SCFD2: variants seen among roughly 807,000 people sequenced by gnomAD.
The protein encoded by SCFD2 is sec1 family domain containing 2.
In SCFD2, 54 loss-of-function variants were observed where a neutral mutation model predicts 58.9. That is an observed-to-expected ratio of 0.92 (90% confidence interval 0.74 to 1.15). The LOEUF (loss-of-function observed/expected upper bound fraction) is 1.15, where lower values mean the gene tolerates loss of function less well. Ranked by LOEUF, SCFD2 falls within the 50% of genes most tolerant of loss-of-function variation. The pLI is 0.00. For synonymous variants in SCFD2, 321 were observed against 335.9 expected (o/e 0.96, Z 0.49); for missense variants, 805 against 836.6 (o/e 0.96, Z 0.47).
Position 52,885,601 on chromosome 4 carries a change from G to A in SCFD2, c.1962+146C>T, listed in dbSNP as rs114828846. The A allele has an allele frequency of 8.8e-4, 758 of 860,320 alleles. 2 individuals carry two copies. The African/African-American group carries it at 0.01, about 11-fold the overall frequency. The allele number at this position is 860,320 out of a possible 1,614,324, so 53.3% of individuals were successfully genotyped here. ...TGCAGGAAGACATTGTGAAACAGGC[G>A]GTAGCAGGAGGGAGGGAACAAAGCC... On this transcript the variant is annotated intron_variant, in intron 8 of 8. Transcript: ENST00000401642.
chr4:53,118,356 A>T (rs1197104419), intron 5 of SCFD2, among the ~76,000 whole-genome samples: 1 of 152,208 alleles, frequency 6.6e-6, no homozygotes, highest in Non-Finnish European at 1.5e-5. Context: ...CATAAGTCAT[A>T]TTGGTGACTG....
chr4:53,242,951 C>A (rs1729946243), intron 4 of SCFD2, among the ~76,000 whole-genome samples: 1 of 152,094 alleles, frequency 6.6e-6, no homozygotes, highest in African/African-American at 2.4e-5. Flanking sequence ...AATGAAAAAA[C>A]ATAAATAAAA....
At chr4:53,232,447 C>T (rs565890616) in intron 4 of SCFD2, among the ~76,000 whole-genome samples, 20 of 151,818 alleles carry the variant, frequency 1.3e-4, no homozygotes, top group African/African-American at 4.1e-4. Context: ...AATCAGGAGA[C>T]AAAAAAACAA....
chr4:53,249,286 C>T (rs980090096), intron 4 of SCFD2, among the ~76,000 whole-genome samples: 3 of 152,090 alleles, frequency 2.0e-5, no homozygotes, highest in Non-Finnish European at 1.5e-5. Flanking sequence ...AACAAAGCCT[C>T]CAAGAAATAT....
chr4:53,095,643 T>G (rs1349942445), intron 5 of SCFD2, among the ~76,000 whole-genome samples: 1 of 152,118 alleles, frequency 6.6e-6, no homozygotes, highest in Non-Finnish European at 1.5e-5. Flanking sequence ...AGCTCTACAT[T>G]TCATTCAGGG....
chr4:53,349,628 C>G (rs572728112), intron 2 of SCFD2, among the ~76,000 whole-genome samples: 2 of 152,172 alleles, frequency 1.3e-5, no homozygotes, highest in Non-Finnish European at 2.9e-5. Flanking sequence ...AATGAGATTC[C>G]AAGATTGGCT....
At chr4:53,131,490 C>A (rs1725784892) in intron 5 of SCFD2, among the ~76,000 whole-genome samples, 1 of 152,014 alleles carries the variant, frequency 6.6e-6, no homozygotes, top group Admixed American at 6.6e-5. Flanking sequence ...TGGTGTGACC[C>A]TGAAAAAGAC....
intron 4 of SCFD2, among the ~76,000 whole-genome samples, chr4:53,262,335 T>G (rs1730853734): frequency 6.6e-6 from 1 of 152,176 alleles, no homozygotes; most frequent in African/African-American, 2.4e-5. Context: ...ATCGTGTTAT[T>G]GTTATATAGG....
chr4:53,179,274 G>A (rs1175956185), intron 4 of SCFD2, among the ~76,000 whole-genome samples: 1 of 152,130 alleles, frequency 6.6e-6, no homozygotes, highest in East Asian at 1.9e-4. Context: ...CCCACAAAGG[G>A]AAGCCCATCA....
At chr4:52,876,717 T>G (rs1263795044) in intron 8 of SCFD2, among the ~76,000 whole-genome samples, 1 of 131,048 alleles carries the variant, frequency 7.6e-6, no homozygotes, top group African/African-American at 3.0e-5. Flanking sequence ...GCCACTGCTC[T>G]CCAGCCTGGG....
At chr4:53,350,167 C>T (rs1050649498) in intron 2 of SCFD2, among the ~76,000 whole-genome samples, 4 of 152,166 alleles carry the variant, frequency 2.6e-5, no homozygotes, top group Non-Finnish European at 5.9e-5. Context: ...TCTGTTCCCC[C>T]ATCTTCTGAT....
chr4:52,946,369 T>C (rs1031969234), intron 5 of SCFD2, among the ~76,000 whole-genome samples: 3 of 152,136 alleles, frequency 2.0e-5, no homozygotes, highest in Non-Finnish European at 4.4e-5. Flanking sequence ...TAGAGTACTT[T>C]CAGAAGGATA....
At chr4:53,168,989 G>A (rs1303704365) in intron 4 of SCFD2, among the ~76,000 whole-genome samples, 1 of 152,214 alleles carries the variant, frequency 6.6e-6, no homozygotes, top group African/African-American at 2.4e-5. Flanking sequence ...GTGAGATGAT[G>A]TGGTATTTGT....
chr4:53,213,465 G>T (rs1046797635), intron 4 of SCFD2, among the ~76,000 whole-genome samples: 2 of 152,060 alleles, frequency 1.3e-5, no homozygotes, highest in Non-Finnish European at 2.9e-5. Flanking sequence ...CTATGATCTC[G>T]AAAGTCTACC....
chr4:53,239,381 G>C (rs1456408864), intron 4 of SCFD2, among the ~76,000 whole-genome samples: 3 of 148,546 alleles, frequency 2.0e-5, no homozygotes, highest in Non-Finnish European at 4.5e-5. Flanking sequence ...GAGGGAGAGG[G>C]AGACCGTGGG....
chr4:53,060,775 G>A (rs1241056995), intron 5 of SCFD2, among the ~76,000 whole-genome samples: 1 of 152,070 alleles, frequency 6.6e-6, no homozygotes, highest in African/African-American at 2.4e-5. Flanking sequence ...TTGTTAACAT[G>A]TAATGAGTTT....
intron 1 of SCFD2, among the ~76,000 whole-genome samples, chr4:53,363,864 T>C (rs1327506187): frequency 6.6e-6 from 1 of 150,392 alleles, no homozygotes; most frequent in Non-Finnish European, 1.5e-5. Context: ...ACTGAAGATG[T>C]AAAGAGCTGT....
chr4:53,089,741 A>G (rs1724417799), intron 5 of SCFD2, among the ~76,000 whole-genome samples: 1 of 152,190 alleles, frequency 6.6e-6, no homozygotes, highest in African/African-American at 2.4e-5. Context: ...GCCAATGGAT[A>G]GAGGTTAAGG....
At chr4:52,956,546 T>C (rs1047750827) in intron 5 of SCFD2, 4 of 248,444 alleles carry the variant, frequency 1.6e-5, no homozygotes, top group African/African-American at 6.8e-5. Context: ...TTAATTCTCC[T>C]GCAGATTGGT....
Sources: gnomAD v4.1 joint callset for allele counts (sites outside exome capture counted in the v4.1 genomes callset) on GRCh38, gnomAD v4.1.1 for gene constraint, MANE v1.5 for transcripts, NCBI Gene and HGNC (gene_info 2026-07-23, HGNC 2026-07-21) for gene names.